ZNF567: variants seen among roughly 807,000 people sequenced by gnomAD.
ZNF567 encodes zinc finger protein 567.
ZNF567 carries 36 observed loss-of-function variants against 53.9 expected under a neutral mutation model. The ratio of observed to expected loss-of-function variants is 0.67; its 90% CI spans 0.51 to 0.88. The LOEUF is 0.88. Among genes scored for constraint, ZNF567 ranks in the 40% least tolerant of loss-of-function variants. The pLI, the probability that ZNF567 is intolerant of heterozygous loss-of-function variation, is 0.00. For missense variants in ZNF567, 619 were observed against 764.7 expected (o/e 0.81, Z 2.25); for synonymous variants, 224 against 260.4 (o/e 0.86, Z 1.35).
At chr19:36,683,958 T>C (rs531734291), upstream of ZNF567, among the ~76,000 whole-genome samples, 17 of 152,324 alleles carry the variant, frequency 1.1e-4, no homozygotes, top group East Asian at 3.3e-3. Context: ...TATAGATGTG[T>C]AAACAGGTTT....
At chr19:36,671,938 G>A in the ZNF567 span, among the ~76,000 whole-genome samples, 3 of 152,238 alleles carry the variant, frequency 2.0e-5, no homozygotes, top group African/African-American at 7.2e-5. Flanking sequence ...TGAAGAAGTG[G>A]CCCAAAAGCC....
At chr19:36,671,068 C>T in the ZNF567 span, among the ~76,000 whole-genome samples, 1 of 152,238 alleles carries the variant, frequency 6.6e-6, no homozygotes, top group South Asian at 2.1e-4. Context: ...CACCACTGCA[C>T]TCCAGCCTGG....
rs912255211 is a variant in ZNF567 at position 36,697,926 on chromosome 19, T to C, written c.9+3050T>C. ...ATGTCCGGCTGGAATTTCTTTTTTT[T>C]TTTTTTTTTTATTATACTTTAAGTT... On this transcript the variant is annotated intron_variant, in intron 3 of 5. Coordinates refer to ENST00000682579, the MANE Select transcript of ZNF567 (RefSeq NM_001322917.1). 1.8e-4 allele frequency among the ~76,000 whole-genome samples: 27 copies of C among 151,694 alleles called. No homozygotes were observed. The East Asian group carries it at 3.3e-3, about 18-fold the overall frequency.
chr19:36,667,568 T>C, the ZNF567 span, among the ~76,000 whole-genome samples: 1 of 149,728 alleles, frequency 6.7e-6, no homozygotes, highest in Admixed American at 6.7e-5. Context: ...GACAGAGTCT[T>C]CTTGCCCTGT....
At chr19:36,684,167 T>C (rs1361375457), upstream of ZNF567, among the ~76,000 whole-genome samples, 2 of 152,232 alleles carry the variant, frequency 1.3e-5, no homozygotes, top group Non-Finnish European at 2.9e-5. Context: ...TGAAAATTTG[T>C]TCACTATATT....
chr19:36,708,916 C>T (rs2039635838), intron 3 of ZNF567, among the ~76,000 whole-genome samples: 1 of 152,050 alleles, frequency 6.6e-6, no homozygotes, highest in Admixed American at 6.5e-5. Flanking sequence ...TGTGTGATTG[C>T]CCTAGGATTA....
chr19:36,712,173 T>C (rs532425144), intron 3 of ZNF567: 1 of 428,836 alleles, frequency 2.3e-6, no homozygotes. Context: ...CAGCCTCCCA[T>C]GTAACTGGGA....
downstream of ZNF567, among the ~76,000 whole-genome samples, chr19:36,725,839 G>T (rs538340245): frequency 6.6e-6 from 1 of 152,242 alleles, no homozygotes; most frequent in Admixed American, 6.5e-5. Context: ...TACAGAGATG[G>T]TATCACCGTG....
At chr19:36,681,066 A>G in the ZNF567 span, among the ~76,000 whole-genome samples, 2 of 152,202 alleles carry the variant, frequency 1.3e-5, no homozygotes, top group African/African-American at 4.8e-5. Context: ...CTGTCTCACC[A>G]ACAGAATACA....
chr19:36,675,542 G>A, the ZNF567 span, among the ~76,000 whole-genome samples: 1 of 152,016 alleles, frequency 6.6e-6, no homozygotes, highest in African/African-American at 2.4e-5. Context: ...GCGTGGTGGC[G>A]TGCACCTGTA....
At chr19:36,701,505 C>G (rs1600525347) in intron 3 of ZNF567, among the ~76,000 whole-genome samples, 1 of 152,048 alleles carries the variant, frequency 6.6e-6, no homozygotes, top group East Asian at 1.9e-4. Context: ...GTTGATCTGT[C>G]TAATGTTGAC....
chr19:36,717,469 G>A (rs549245622), intron 5 of ZNF567, among the ~76,000 whole-genome samples: 18 of 152,262 alleles, frequency 1.2e-4, no homozygotes, highest in Admixed American at 9.8e-4. Flanking sequence ...AGGGCAGTAA[G>A]TATCAGGCCT....
rs2040291558 is a variant in ZNF567 at position 36,721,219 on chromosome 19, T to C, written c.*551T>C. 1 of 152,226 alleles carries C rather than the reference T, an allele frequency of 6.6e-6. No homozygotes were observed. The highest frequency in any genetic ancestry group is 2.4e-5 in the African/African-American group (1 of 41,470). 9.4% of individuals were successfully genotyped at this position (152,226 alleles called of 1,614,324 possible). A position where few individuals can be genotyped will look rare whatever the true frequency, so the allele number is the denominator to read the frequency against. On this transcript the variant is annotated 3_prime_UTR_variant, in exon 6 of 6. Transcript: ENST00000682579. Reference sequence around the variant, plus strand: ...TTATTGCATGTGGCAGTAGTGTATTTTCATTTTGCATACTATTCCATTTTA... The same window carrying C: ...TTATTGCATGTGGCAGTAGTGTATTCTCATTTTGCATACTATTCCATTTTA...
At position 36,719,787 on chromosome 19, in the gene ZNF567, C is replaced by T; in HGVS notation, c.1063C>T (p.His355Tyr). 1 of 1,614,160 alleles carries T rather than the reference C, an allele frequency of 6.2e-7. No homozygotes were observed. The highest frequency in any genetic ancestry group is 8.5e-7 in the Non-Finnish European group (1 of 1,180,018). ...AFRLKSHLIR[H>Y]QRTHTGEKPY... ...CAGATTGAAGTCACACCTCATTCGT[C>T]ATCAGAGAACTCACACGGGAGAGAA... is the stretch of plus-strand genomic sequence containing the variant. The change falls in exon 6 of 6, where the codon CAT becomes TAT. Residue 355 changes from histidine (H) to tyrosine (Y), a missense_variant. His to Tyr is a moderately conservative substitution (Grantham distance 83, BLOSUM62 2). Transcript: ENST00000682579.
chr19:36,727,274 T>C (rs2040339594), downstream of ZNF567: 1 of 151,516 alleles, frequency 6.6e-6, no homozygotes, highest in Non-Finnish European at 1.5e-5. Flanking sequence ...TTTCCTATGT[T>C]GGCCAGGCTG....
chr19:36,672,101 G>A, the ZNF567 span, among the ~76,000 whole-genome samples: 17 of 152,164 alleles, frequency 1.1e-4, no homozygotes, highest in Non-Finnish European at 2.1e-4. Flanking sequence ...CCTGGACAGC[G>A]CTACAGTCCT....
chr19:36,712,983 C>T (rs1433174591), intron 5 of ZNF567, 116 bp downstream of exon 5: 1 of 774,412 alleles, frequency 1.3e-6, no homozygotes, highest in Admixed American at 3.0e-5. Flanking sequence ...GGCTCTTGAC[C>T]TCTGAAAACC....
In ZNF567 at chr19:36,717,504, T is replaced by C. The variant is rs567465011; in HGVS notation, c.224-1444T>C. The stretch of plus-strand genomic sequence containing the variant: ...TGACTGAGGCAAAAACTACCTGTTA[T>C]AAACAGGTGAGATCTGTCAGGTATG... On this transcript the variant is annotated intron_variant, in intron 5 of 5. Transcript: ENST00000682579. 4.6e-5 allele frequency among the ~76,000 whole-genome samples: 7 copies of C among 152,302 alleles called. No homozygotes were observed. The East Asian group carries it at 7.7e-4, about 17-fold the overall frequency.
chr19:36,676,336 G>C, the ZNF567 span, among the ~76,000 whole-genome samples: 1 of 150,916 alleles, frequency 6.6e-6, no homozygotes, highest in African/African-American at 2.4e-5. Flanking sequence ...GAAGTGCTGG[G>C]ATTACAGGTG....
Sources: allele counts gnomAD v4.1 joint callset (sites outside exome capture counted in the v4.1 genomes callset), GRCh38; gene constraint gnomAD v4.1.1; transcripts MANE v1.5; gene names NCBI Gene and HGNC (gene_info 2026-07-23, HGNC 2026-07-21).